HS6ST2: variants seen among roughly 807,000 people sequenced by gnomAD.
HS6ST2 encodes heparan sulfate 6-O-sulfotransferase 2, also known as heparan-sulfate 6-O-sulfotransferase 2.
HS6ST2 carries 17 observed loss-of-function variants against 33.0 expected under a neutral mutation model. The ratio of observed to expected loss-of-function variants is 0.52; its 90% confidence interval spans 0.35 to 0.77. The LOEUF (loss-of-function observed/expected upper bound fraction) is 0.77, where lower values mean the gene tolerates loss of function less well. Ranked by LOEUF, HS6ST2 falls within the 30% of genes least tolerant of loss-of-function variation. The pLI, the probability that HS6ST2 is intolerant of heterozygous loss-of-function variation, is 0.01. For synonymous variants in HS6ST2, 248 were observed against 237.1 expected (o/e 1.05, Z -0.42); for missense variants, 519 against 551.7 (o/e 0.94, Z 0.59).
At chrX:132,721,828 G>A (rs2064330979) in intron 2 of HS6ST2, among the ~76,000 whole-genome samples, 1 of 111,094 alleles carries the variant, frequency 9.0e-6, no homozygotes, top group African/African-American at 3.3e-5. Flanking sequence ...AATAAATATG[G>A]CTTATTACCC....
At chrX:132,712,885 C>A (rs1406001163) in intron 2 of HS6ST2, among the ~76,000 whole-genome samples, 1 of 110,434 alleles carries the variant, frequency 9.1e-6, no homozygotes, top group Non-Finnish European at 1.9e-5. Flanking sequence ...ATTAGCCTGG[C>A]GTGGTGGCAG....
chrX:132,788,494 T>C (rs1338368527), intron 2 of HS6ST2, among the ~76,000 whole-genome samples: 1 of 111,599 alleles, frequency 9.0e-6, no homozygotes, highest in Non-Finnish European at 1.9e-5. Context: ...ACAACAATAC[T>C]GAAATTAGGC....
chrX:132,956,650 G>T (rs2067075060), intron 2 of HS6ST2, among the ~76,000 whole-genome samples, 158 bp downstream of exon 2: 2 of 112,908 alleles, frequency 1.8e-5, no homozygotes, highest in Non-Finnish European at 3.8e-5. Context: ...GCCACAGCGC[G>T]GCGAACGTGC....
chrX:132,719,705 A>G (rs781213842), intron 2 of HS6ST2, among the ~76,000 whole-genome samples: 153 of 112,173 alleles, frequency 1.4e-3, no homozygotes, highest in Non-Finnish European at 2.2e-3. Context: ...GTGAGTTTTC[A>G]CATGTCCATT....
rs748222390 is a variant in HS6ST2 at position 132,827,481 on chromosome X, G to A, written c.948-118987C>T. On this transcript the variant is annotated intron_variant, in intron 2 of 4. Transcript: ENST00000370833. ...AAACAGGAGGAGGATGTGTGTCCTG[G>A]AATGTGTCAACAGTGGGAAAAGGGG... 4.5e-5 allele frequency among the ~76,000 whole-genome samples: 5 copies of A among 110,325 alleles called. No individual in the cohort carries two copies. In the South Asian group the frequency reaches 2.0e-3, roughly 44 times the overall value.
intron 2 of HS6ST2, among the ~76,000 whole-genome samples, chrX:132,893,724 G>C (rs2066339028): frequency 8.9e-6 from 1 of 111,822 alleles, no homozygotes; most frequent in African/African-American, 3.3e-5. Flanking sequence ...AGCCAAGACA[G>C]ATAGGGTTGG....
intron 2 of HS6ST2, among the ~76,000 whole-genome samples, chrX:132,715,271 C>T (rs1015743622): frequency 9.0e-6 from 1 of 110,697 alleles, no homozygotes; most frequent in Non-Finnish European, 1.9e-5. Flanking sequence ...CCCATCTCTA[C>T]AAAAAATACG....
chrX:132,911,057 G>A lies in HS6ST2; in HGVS notation c.947+45751C>T, dbSNP rs934083208. 2.7e-5 allele frequency among the ~76,000 whole-genome samples: 3 copies of A among 109,975 alleles called. No individual in the cohort carries two copies. The East Asian group carries it at 8.6e-4, about 32-fold the overall frequency. On this transcript the variant is annotated intron_variant, in intron 2 of 4. Transcript: ENST00000370833. Reference sequence around the variant, plus strand: ...CCCAGCTACCAGGGAGGCTGAGGCAGGAGAATCACTTGAACTCGGGAGGCA... The same window carrying A: ...CCCAGCTACCAGGGAGGCTGAGGCAAGAGAATCACTTGAACTCGGGAGGCA...
At chrX:132,828,693 T>TATATACACACACACAC (rs1337972849) in intron 2 of HS6ST2, among the ~76,000 whole-genome samples, 1 of 72,938 alleles carries the variant, frequency 1.4e-5, no homozygotes, top group Non-Finnish European at 2.5e-5. Flanking sequence ...TATATATATA[T>TATATACACACACACAC]ACACACACAC....
chrX:132,841,164 T>C (rs2065703528), intron 2 of HS6ST2, among the ~76,000 whole-genome samples: 1 of 112,056 alleles, frequency 8.9e-6, no homozygotes, highest in South Asian at 3.7e-4. Flanking sequence ...TGGGAGAAAC[T>C]TGAGACTTAC....
In HS6ST2 at chrX:132,882,056, C is replaced by T. The variant is rs752230434; in HGVS notation, c.947+74752G>A. 5.1e-3 allele frequency among the ~76,000 whole-genome samples: 566 copies of T among 111,490 alleles called. 6 individuals are homozygous for T. The highest frequency in any genetic ancestry group is 0.018 in the African/African-American group (542 of 30,627). On this transcript the variant is annotated intron_variant, in intron 2 of 4. Transcript: ENST00000370833. Reference sequence around the variant, plus strand: ...TGTAGTATAGTTTGATGTCAGGTAGCGTGATGCCTCCAGCCTTGTTCTTTT... The same window carrying T: ...TGTAGTATAGTTTGATGTCAGGTAGTGTGATGCCTCCAGCCTTGTTCTTTT...
intron 2 of HS6ST2, among the ~76,000 whole-genome samples, chrX:132,912,572 T>C (rs756251874): frequency 1.8e-5 from 2 of 112,804 alleles, no homozygotes; most frequent in African/African-American, 3.2e-5. Context: ...GTGCTAACAT[T>C]TCTCTTGGAA....
chrX:132,798,128 A>G (rs1009564691), intron 2 of HS6ST2, among the ~76,000 whole-genome samples: 11 of 109,563 alleles, frequency 1.0e-4, no homozygotes, highest in African/African-American at 3.0e-4. Context: ...TTCCTCCCCA[A>G]TGCTGGATGC....
chrX:132,666,320 A>AAGACTG (rs1311713311), intron 4 of HS6ST2, among the ~76,000 whole-genome samples: 1 of 111,642 alleles, frequency 9.0e-6, no homozygotes, highest in Admixed American at 9.5e-5. Context: ...CCTCCCTACT[A>AAGACTG]AGACTGTGAA....
At chrX:132,752,471 C>CAAAAA (rs751283316) in intron 2 of HS6ST2, among the ~76,000 whole-genome samples, 2 of 59,690 alleles carry the variant, frequency 3.4e-5, no homozygotes, top group Non-Finnish European at 3.0e-5. Context: ...GACTCCGTCT[C>CAAAAA]AAAAAAAAAA....
chrX:132,904,592 G>A (rs193006892), intron 2 of HS6ST2, among the ~76,000 whole-genome samples: 15 of 106,384 alleles, frequency 1.4e-4, no homozygotes, highest in South Asian at 4.4e-4. Flanking sequence ...CGCTCAGGCC[G>A]TAATGCAGTG....
intron 3 of HS6ST2, among the ~76,000 whole-genome samples, chrX:132,673,458 T>C (rs910301983): frequency 5.3e-5 from 6 of 112,479 alleles, no homozygotes; most frequent in African/African-American, 1.6e-4. Context: ...ACAAAAAACG[T>C]GAGCTTAGAA....
chrX:132,648,596 G>A (rs1474904338), intron 4 of HS6ST2, among the ~76,000 whole-genome samples: 2 of 108,634 alleles, frequency 1.8e-5, no homozygotes. Flanking sequence ...TTAAATTGTA[G>A]GCAGATGTAG....
At chrX:132,740,939 C>A (rs759473970) in intron 2 of HS6ST2, among the ~76,000 whole-genome samples, 2 of 112,295 alleles carry the variant, frequency 1.8e-5, no homozygotes, top group African/African-American at 3.2e-5. Context: ...TGAGGAGAGT[C>A]ACAGAAGGGA....
Sources: gnomAD v4.1 joint callset for allele counts (sites outside exome capture counted in the v4.1 genomes callset) on GRCh38, gnomAD v4.1.1 for gene constraint, MANE v1.5 for transcripts, NCBI Gene and HGNC (gene_info 2026-07-23, HGNC 2026-07-21) for gene names.